Variants in PNMT observed in about 807,000 individuals in gnomAD.
PNMT encodes the protein phenylethanolamine N-methyltransferase.
In PNMT, 18 loss-of-function variants were observed where a neutral mutation model predicts 18.9. The ratio of observed to expected loss-of-function variants is 0.95; its 90% CI spans 0.66 to 1.41. The LOEUF is 1.41. Ranked by LOEUF, PNMT falls within the 40% of genes most tolerant of loss-of-function variation. PNMT has a pLI of 0.00. For missense variants in PNMT, 378 were observed against 387.0 expected (o/e 0.98, Z 0.20); for synonymous variants, 167 against 168.6 (o/e 0.99, Z 0.08).
In PNMT at chr17:39,668,769, C is replaced by T. The variant is rs763008139; in HGVS notation, c.202+92C>T. On this transcript the variant is annotated intron_variant, in intron 1 of 2. Coordinates refer to ENST00000269582, the MANE Select transcript of PNMT (RefSeq NM_002686.4). The stretch of plus-strand genomic sequence containing the variant: ...ATAAAAAGAAGGAAAGGGAGACAGA[C>T]CAGGCGCCTAACAGATGGGGACCAA... 32 of 1,041,944 alleles carry T rather than the reference C, an allele frequency of 3.1e-5. No homozygotes were observed. The Middle Eastern group carries it at 6.6e-4, about 21-fold the overall frequency. 64.5% of individuals were successfully genotyped at this position (1,041,944 alleles called of 1,614,324 possible).
At position 39,670,109 on chromosome 17, in the gene PNMT, A is replaced by G; in HGVS notation, c.569A>G (p.Asp190Gly). Reference sequence around the variant, plus strand: ...TTCTGCTTGGAGGCTGTGAGCCCAGATCTTGCCAGCTTTCAGCGGGCCCTG... The same window carrying G: ...TTCTGCTTGGAGGCTGTGAGCCCAGGTCTTGCCAGCTTTCAGCGGGCCCTG... ...SAFCLEAVSP[D>G]LASFQRALDH... The change falls in exon 3 of 3, where the codon GAT (aspartate) becomes GGT (glycine). Residue 190 changes from aspartate to glycine, a missense_variant. Coordinates refer to ENST00000269582, the MANE Select transcript of PNMT (RefSeq NM_002686.4). 2 of 1,610,792 alleles carry G rather than the reference A, an allele frequency of 1.2e-6. No individual in the cohort carries two copies.
chr17:39,668,625 G>A lies in PNMT; in HGVS notation c.150G>A (p.Pro50=). The part of the protein sequence containing the change: ...YAPPRGDLCN[P]NGVGPWKLRC... ...CCCCTCGCGGGGACCTGTGCAACCC[G>A]AACGGCGTCGGGCCGTGGAAGCTGC... The change falls in exon 1 of 3, where the codon CCG becomes CCA. Residue 50 remains proline, a synonymous_variant. Transcript: ENST00000269582. 6.2e-7 allele frequency: 1 copy of A among 1,606,126 alleles called. No homozygotes were observed. Among genetic ancestry groups the A allele is most frequent in the African/African-American group, 1.3e-5 (1 of 74,788 alleles).
upstream of PNMT, chr17:39,668,441 G>C (rs1462777562): frequency 7.4e-7 from 1 of 1,347,088 alleles, no homozygotes; most frequent in Non-Finnish European, 9.5e-7. Context: ...AGGGCCGCGA[G>C]GCGAGCGGGG....
chr17:39,669,434 C>G (rs59923806), intron 1 of PNMT, among the ~76,000 whole-genome samples, 195 bp from the exon 2 acceptor site: 140 of 152,332 alleles, frequency 9.2e-4, no homozygotes, highest in African/African-American at 3.2e-3. Context: ...GTGAAGTTCC[C>G]TTCCGAAGGG....
At position 39,668,517 on chromosome 17, in the gene PNMT, T is replaced by C. The variant is rs755454757; in HGVS notation, c.42T>C (p.Pro14=). The C allele has an allele frequency of 5.9e-6, 9 of 1,536,800 alleles. No individual in the cohort carries two copies. Among genetic ancestry groups the C allele is most frequent in the Non-Finnish European group, 7.8e-6 (9 of 1,147,378 alleles). ...ADRSPNAGAA[P]DSAPGQAAVA... is the part of the protein sequence containing the mutation. ...GTAGCCCCAATGCGGGCGCAGCCCC[T>C]GACTCGGCCCCGGGCCAGGCGGCGG... is the stretch of plus-strand genomic sequence containing the variant. Residue 14 remains proline (P), a synonymous_variant, in exon 1 of 3, where the codon CCT becomes CCC. Coordinates refer to ENST00000269582, the MANE Select transcript of PNMT (RefSeq NM_002686.4).
Position 39,670,338 on chromosome 17 carries a change from A to T in PNMT, c.798A>T (p.Val266=). The T allele has an allele frequency of 6.2e-7, 1 of 1,606,822 alleles. No homozygotes were observed. Among genetic ancestry groups the T allele is most frequent in the Non-Finnish European group, 8.5e-7 (1 of 1,176,380 alleles). ...YIMPAHLQTG[V]DDVKGVFFAW... ...TGCCTGCCCACCTTCAGACAGGCGT[A>T]GATGATGTCAAGGGCGTCTTCTTCG... The change falls in exon 3 of 3, where the codon GTA becomes GTT. Residue 266 remains valine, a synonymous_variant. Transcript: ENST00000269582.
chr17:39,668,281 C>T, upstream of PNMT: 3 of 444,698 alleles, frequency 6.7e-6, no homozygotes, highest in Non-Finnish European at 1.2e-5. Flanking sequence ...GCCGCCGCCC[C>T]ACTCACCTCC....
In PNMT at chr17:39,669,722, T is replaced by C; in HGVS notation, c.296T>C (p.Met99Thr). Residue 99 changes from methionine to threonine, a missense_variant, in exon 2 of 3, where the codon ATG (methionine) becomes ACG (threonine). By Grantham distance (81) the Met-to-Thr change is moderately conservative. Coordinates refer to ENST00000269582, the MANE Select transcript of PNMT (RefSeq NM_002686.4). ...TGCAGCCACTTTGAGGACATCACCA[T>C]GACAGATTTCCTGGAGGTCAACCGC... Reference protein sequence around the residue: ...SACSHFEDITMTDFLEVNRQE... With the variant: ...SACSHFEDITTTDFLEVNRQE... 1 of 1,614,030 alleles carries C rather than the reference T, an allele frequency of 6.2e-7. No individual in the cohort carries two copies. Among genetic ancestry groups the C allele is most frequent in the Non-Finnish European group, 8.5e-7 (1 of 1,179,936 alleles).
At position 39,669,757 on chromosome 17, in the gene PNMT, G is replaced by A. The variant is rs776854721; in HGVS notation, c.331G>A (p.Gly111Arg). 8.7e-6 allele frequency: 14 copies of A among 1,614,084 alleles called. No homozygotes were observed. The African/African-American group carries it at 1.9e-4, about 22-fold the overall frequency. Residue 111 changes from glycine to arginine, a missense_variant, in exon 2 of 3, where the codon GGG becomes AGG. Gly to Arg is a moderately radical substitution (Grantham distance 125). Coordinates refer to ENST00000269582, the MANE Select transcript of PNMT (RefSeq NM_002686.4). ...CCTGGAGGTCAACCGCCAGGAGCTG[G>A]GGCGCTGGCTGCAGGAGGAGCCGGG... ...DFLEVNRQEL[G>R]RWLQEEPGAF...
chr17:39,668,736 G>C, intron 1 of PNMT, 59 bp downstream of exon 1: 1 of 1,371,870 alleles, frequency 7.3e-7, no homozygotes, highest in East Asian at 2.6e-5. Flanking sequence ...GAAAGCAGGC[G>C]CAGGGAAATA....
rs768739658 is a variant in PNMT at position 39,668,565 on chromosome 17, C to G, written c.90C>G (p.Phe30Leu). ...QAAVASAYQR[F>L]EPRAYLRNNY... ...CGGTGGCTTCGGCCTACCAGCGCTTCGAGCCGCGCGCCTACCTCCGCAACA... is the reference window on the plus strand; with the variant it reads ...CGGTGGCTTCGGCCTACCAGCGCTTGGAGCCGCGCGCCTACCTCCGCAACA... The change falls in exon 1 of 3, where the codon TTC becomes TTG. Residue 30 changes from phenylalanine to leucine, a missense_variant. Phe to Leu is a conservative substitution (Grantham distance 22, BLOSUM62 0). Coordinates refer to ENST00000269582, the MANE Select transcript of PNMT (RefSeq NM_002686.4). 6.3e-6 allele frequency: 10 copies of G among 1,582,178 alleles called. No homozygotes were observed. The highest frequency in any genetic ancestry group is 5.7e-5 in the South Asian group (5 of 87,748).
Position 39,669,713 on chromosome 17 carries a change from A to G in PNMT, c.287A>G (p.Asp96Gly). The G allele has an allele frequency of 3.1e-6, 5 of 1,614,104 alleles. No homozygotes were observed. Among genetic ancestry groups the G allele is most frequent in the Non-Finnish European group, 4.2e-6 (5 of 1,179,982 alleles). ...CTCAGTGCCTGCAGCCACTTTGAGGACATCACCATGACAGATTTCCTGGAG... is the reference window on the plus strand; with the variant it reads ...CTCAGTGCCTGCAGCCACTTTGAGGGCATCACCATGACAGATTTCCTGGAG... ...QLLSACSHFE[D>G]ITMTDFLEVN... is the part of the protein sequence containing the mutation. Residue 96 changes from aspartate to glycine, a missense_variant, in exon 2 of 3, where the codon GAC becomes GGC. By Grantham distance (94) the Asp-to-Gly change is moderately conservative (BLOSUM62 -1). Coordinates refer to ENST00000269582, the MANE Select transcript of PNMT (RefSeq NM_002686.4).
At position 39,668,556 on chromosome 17, in the gene PNMT, C is replaced by T. The variant is rs781387013; in HGVS notation, c.81C>T (p.Tyr27=). ...APGQAAVASA[Y]QRFEPRAYLR... is the part of the protein sequence containing the mutation. Reference sequence around the variant, plus strand: ...GCCAGGCGGCGGTGGCTTCGGCCTACCAGCGCTTCGAGCCGCGCGCCTACC... The same window carrying T: ...GCCAGGCGGCGGTGGCTTCGGCCTATCAGCGCTTCGAGCCGCGCGCCTACC... Residue 27 remains tyrosine, a synonymous_variant, in exon 1 of 3, where the codon TAC becomes TAT. Coordinates refer to ENST00000269582, the MANE Select transcript of PNMT (RefSeq NM_002686.4). 25 of 1,570,170 alleles carry T rather than the reference C, an allele frequency of 1.6e-5. No individual in the cohort carries two copies. Among genetic ancestry groups the T allele is most frequent in the Non-Finnish European group, 2.1e-5 (24 of 1,164,834 alleles).
intron 1 of PNMT, among the ~76,000 whole-genome samples, chr17:39,669,373 G>A (rs540398026): frequency 6.6e-6 from 1 of 152,150 alleles, no homozygotes; most frequent in African/African-American, 2.4e-5. Context: ...GAGCCACTGC[G>A]CCCGGCCAGT....
chr17:39,669,888 G>C, intron 2 of PNMT, 52 bp downstream of exon 2: 1 of 1,595,606 alleles, frequency 6.3e-7, no homozygotes, highest in Non-Finnish European at 8.6e-7. Flanking sequence ...AGAGTGGCTG[G>C]TTGGGGCAAC....
Position 39,670,259 on chromosome 17 carries a change from G to T in PNMT, c.719G>T (p.Arg240Met). The change falls in exon 3 of 3, where the codon AGG (arginine) becomes ATG (methionine). Residue 240 changes from arginine to methionine, a missense_variant. Transcript: ENST00000269582. The part of the protein sequence containing the change: ...TVVPVSEEEV[R>M]EALVRSGYKV... ...GTGCCAGTGTCTGAGGAGGAGGTGAGGGAGGCCCTGGTGCGTAGTGGCTAC... is the reference window on the plus strand; with the variant it reads ...GTGCCAGTGTCTGAGGAGGAGGTGATGGAGGCCCTGGTGCGTAGTGGCTAC... 1 of 1,609,318 alleles carries T rather than the reference G, an allele frequency of 6.2e-7. No homozygotes were observed.
chr17:39,669,609 T>C lies in PNMT; in HGVS notation c.203-20T>C. The C allele has an allele frequency of 6.2e-7, 1 of 1,607,700 alleles. No individual in the cohort carries two copies. Among genetic ancestry groups the C allele is most frequent in the Non-Finnish European group, 8.5e-7 (1 of 1,174,308 alleles). Reference sequence around the variant, plus strand: ...CCTGGGCTGGCTGGCACCAGGACCCTCTTCCTCTGCCCTGCCCAGGTGAAG... The same window carrying C: ...CCTGGGCTGGCTGGCACCAGGACCCCCTTCCTCTGCCCTGCCCAGGTGAAG... On this transcript the variant is annotated intron_variant, in intron 1 of 2. Transcript: ENST00000269582.
chr17:39,670,070 C>A lies in PNMT; in HGVS notation c.530C>A (p.Ala177Asp), dbSNP rs1244698879. The A allele has an allele frequency of 1.2e-6, 2 of 1,608,280 alleles. No homozygotes were observed. Among genetic ancestry groups the A allele is most frequent in the East Asian group, 2.2e-5 (1 of 44,864 alleles). The stretch of plus-strand genomic sequence containing the variant: ...AGCCCAGCTCCCCTGCCTGCTGACG[C>A]CCTGGTCTCTGCCTTCTGCTTGGAG... Reference protein sequence around the residue: ...AGSPAPLPADALVSAFCLEAV... With the variant: ...AGSPAPLPADDLVSAFCLEAV... Residue 177 changes from alanine to aspartate, a missense_variant, in exon 3 of 3, where the codon GCC (alanine) becomes GAC (aspartate). Physicochemically the swap from Ala to Asp is moderately radical, Grantham distance 126. Coordinates refer to ENST00000269582, the MANE Select transcript of PNMT (RefSeq NM_002686.4).
chr17:39,670,118 G>C lies in PNMT; in HGVS notation c.578G>C (p.Ser193Thr), dbSNP rs978572562. ...GAGGCTGTGAGCCCAGATCTTGCCA[G>C]CTTTCAGCGGGCCCTGGACCACATC... ...CLEAVSPDLA[S>T]FQRALDHITT... Residue 193 changes from serine (S) to threonine (T), a missense_variant, in exon 3 of 3, where the codon AGC becomes ACC. By Grantham distance (58) the Ser-to-Thr change is moderately conservative. Coordinates refer to ENST00000269582, the MANE Select transcript of PNMT (RefSeq NM_002686.4). The C allele has an allele frequency of 1.2e-6, 2 of 1,611,086 alleles. No individual in the cohort carries two copies. The highest frequency in any genetic ancestry group is 2.7e-5 in the African/African-American group (2 of 75,030).
Sources: allele counts gnomAD v4.1 joint callset (sites outside exome capture counted in the v4.1 genomes callset), GRCh38; gene constraint gnomAD v4.1.1; transcripts MANE v1.5; gene names NCBI Gene and HGNC (gene_info 2026-07-23, HGNC 2026-07-21).